Variants in CPXM2 observed in about 807,000 individuals in gnomAD.
CPXM2 encodes carboxypeptidase X, M14 family member 2.
Under a neutral mutation model 86.1 loss-of-function variants are expected in CPXM2, and 66 were observed. The observed-to-expected ratio is 0.77, with a 90% CI of 0.63 to 0.94. The LOEUF (loss-of-function observed/expected upper bound fraction) is 0.94. Ranked by LOEUF, CPXM2 falls within the 40% of genes least tolerant of loss-of-function variation. The pLI, the probability that CPXM2 is intolerant of heterozygous loss-of-function variation, is 0.00. For missense variants in CPXM2, 948 were observed against 1,026.3 expected, an observed-to-expected ratio of 0.92 and a Z score of 1.04; for synonymous variants, 388 against 400.2, an observed-to-expected ratio of 0.97 and a Z score of 0.36.
chr10:123,869,283 T>TA (rs1172730084), intron 2 of CPXM2, among the ~76,000 whole-genome samples: 7 of 152,184 alleles, frequency 4.6e-5, no homozygotes, highest in South Asian at 2.1e-4. Flanking sequence ...CTCCGACAAT[T>TA]AATCGCTCAG....
intron 2 of CPXM2, among the ~76,000 whole-genome samples, chr10:123,868,907 T>A (rs1166076016): frequency 6.6e-6 from 1 of 152,236 alleles, no homozygotes; most frequent in Non-Finnish European, 1.5e-5. Context: ...TAGAACTCCA[T>A]CGACTTTAAA....
At chr10:123,815,821 T>C (rs1309983543) in intron 4 of CPXM2, among the ~76,000 whole-genome samples, 1 of 152,098 alleles carries the variant, frequency 6.6e-6, no homozygotes, top group Admixed American at 6.5e-5. Context: ...AGTTTTCTAA[T>C]TTATATACAC....
chr10:123,750,101 G>A, intron 13 of CPXM2: 1 of 983,990 alleles, frequency 1.0e-6, no homozygotes, highest in South Asian at 4.7e-5. Flanking sequence ...TTACAGGCAT[G>A]AGCCACCATG....
chr10:123,937,537 T>C (rs998467473), intron 2 of CPXM2, among the ~76,000 whole-genome samples: 4 of 149,618 alleles, frequency 2.7e-5, no homozygotes, highest in Non-Finnish European at 5.9e-5. Context: ...TCTGGAGTTA[T>C]GGAGAGAAGC....
intron 2 of CPXM2, among the ~76,000 whole-genome samples, chr10:123,904,291 T>G (rs1008278585): frequency 1.3e-5 from 2 of 152,152 alleles, no homozygotes; most frequent in Non-Finnish European, 2.9e-5. Flanking sequence ...GCCACTTCTT[T>G]CCGATTGTGC....
At chr10:123,850,095 C>T (rs1340463245) in intron 3 of CPXM2, among the ~76,000 whole-genome samples, 1 of 152,222 alleles carries the variant, frequency 6.6e-6, no homozygotes, top group Non-Finnish European at 1.5e-5. Flanking sequence ...TTCACCCAGA[C>T]AATTGCATGC....
Position 123,762,095 on chromosome 10 carries a change from GC to G in CPXM2, c.1553del (p.Gly518AlafsTer45). ...AGGGGTACGCCACCACCAGCTCGCC[GC>G]CCTGCAGGTTGCCGCCCAGCACAAA... ...IPFVLGGNLQGGELVVAYPYD... is the reference protein window; with the variant it reads ...IPFVLGGNLQXGELVVAYPYD... On this transcript the variant is annotated frameshift_variant, in exon 11 of 14. Coordinates refer to ENST00000241305, the MANE Select transcript of CPXM2 (RefSeq NM_198148.3). LOFTEE classifies it high-confidence loss of function. 6.2e-7 allele frequency: 1 copy of G among 1,614,082 alleles called. No homozygotes were observed. Among genetic ancestry groups the G allele is most frequent in the Non-Finnish European group, 8.5e-7 (1 of 1,180,008 alleles).
chr10:123,857,611 TGGAGATGGAAGGC>T (rs1848758044), intron 3 of CPXM2, among the ~76,000 whole-genome samples: 5 of 135,364 alleles, frequency 3.7e-5, no homozygotes, highest in African/African-American at 1.3e-4. Context: ...GAAGGCGGCG[TGGAGATGGAAGGC>T]GGCGTGGAGA....
At chr10:123,881,952 A>T (rs1945100109) in intron 1 of CPXM2, among the ~76,000 whole-genome samples, 1 of 152,254 alleles carries the variant, frequency 6.6e-6, no homozygotes, top group Non-Finnish European at 1.5e-5. Flanking sequence ...TCGGTGAGTG[A>T]CAAACAGAAA....
At chr10:123,826,888 T>C (rs1848059269) in intron 4 of CPXM2, among the ~76,000 whole-genome samples, 1 of 152,054 alleles carries the variant, frequency 6.6e-6, no homozygotes, top group Non-Finnish European at 1.5e-5. Context: ...TGAATATCTA[T>C]GCACTAAAAC....
intron 6 of CPXM2, among the ~76,000 whole-genome samples, chr10:123,785,630 GCTT>G (rs1022147290): frequency 1.3e-5 from 2 of 149,362 alleles, no homozygotes; most frequent in Admixed American, 6.6e-5. Context: ...AATCACTTTA[GCTT>G]CTTTTTTTTT....
chr10:123,916,941 C>T (rs1250417093), intron 2 of CPXM2, among the ~76,000 whole-genome samples: 1 of 152,060 alleles, frequency 6.6e-6, no homozygotes, highest in Non-Finnish European at 1.5e-5. Flanking sequence ...CCACGCCCAG[C>T]TCTGATCCTC....
chr10:123,800,629 G>A (rs1021195504), intron 4 of CPXM2, among the ~76,000 whole-genome samples: 40 of 152,002 alleles, frequency 2.6e-4, no homozygotes, highest in Non-Finnish European at 5.3e-4. Flanking sequence ...GTATCCTGCC[G>A]AGAGAGAGGT....
chr10:123,888,681 G>A (rs565314058), intron 1 of CPXM2, among the ~76,000 whole-genome samples: 1 of 152,256 alleles, frequency 6.6e-6, no homozygotes, highest in South Asian at 2.1e-4. Context: ...TTTGGTCCAG[G>A]GCAGAGGATT....
At chr10:123,842,886 T>C (rs1297561735) in intron 3 of CPXM2, among the ~76,000 whole-genome samples, 2 of 152,178 alleles carry the variant, frequency 1.3e-5, no homozygotes, top group East Asian at 3.9e-4. Flanking sequence ...TGAAAATAGA[T>C]GAATTAGAAC....
intron 2 of CPXM2, among the ~76,000 whole-genome samples, chr10:123,929,126 G>T (rs1945646079): frequency 6.6e-6 from 1 of 152,244 alleles, no homozygotes; most frequent in Non-Finnish European, 1.5e-5. Context: ...ATCAGAGAAA[G>T]GATCTGTCAG....
rs368011035 is a variant in CPXM2, at chr10:123,768,736, C to G, written c.1103-14G>C. On this transcript the variant is annotated splice_polypyrimidine_tract_variant and intron_variant, in intron 8 of 13. Coordinates refer to ENST00000241305, the MANE Select transcript of CPXM2 (RefSeq NM_198148.3). ...ACTCGGGCTCACCTTTACTCAAAGA[C>G]AGAGAGAAGCACAGGTTCACGTTGA... is the stretch of plus-strand genomic sequence containing the variant. The G allele has an allele frequency of 3.7e-6, 6 of 1,603,880 alleles. No individual in the cohort carries two copies. Among genetic ancestry groups the G allele is most frequent in the Non-Finnish European group, 4.2e-6 (5 of 1,178,866 alleles).
At chr10:123,898,041 G>T (rs1199522509) in intron 2 of CPXM2, among the ~76,000 whole-genome samples, 1 of 152,206 alleles carries the variant, frequency 6.6e-6, no homozygotes, top group Non-Finnish European at 1.5e-5. Context: ...CTGCTGTCGG[G>T]CAATCAGACT....
intron 11 of CPXM2, among the ~76,000 whole-genome samples, chr10:123,761,595 C>CA (rs1414837624): frequency 6.6e-6 from 1 of 152,226 alleles, no homozygotes; most frequent in Admixed American, 6.5e-5. Flanking sequence ...GCCACGGAGT[C>CA]AGAGACCCCA....
Sources: allele counts gnomAD v4.1 joint callset (sites outside exome capture counted in the v4.1 genomes callset), GRCh38; gene constraint gnomAD v4.1.1; transcripts MANE v1.5; gene names NCBI Gene and HGNC (gene_info 2026-07-23, HGNC 2026-07-21).